Variants in CEP152 observed in about 807,000 individuals in gnomAD.
The protein encoded by CEP152 is centrosomal protein of 152 kDa.
CEP152 carries 132 observed loss-of-function variants against 188.9 expected under a neutral mutation model. That is an observed-to-expected ratio of 0.70 (90% CI 0.61 to 0.81). The LOEUF (loss-of-function observed/expected upper bound fraction) is 0.81. CEP152 is among the 30% of genes least tolerant of loss of function. CEP152 has a pLI of 0.00. For synonymous variants in CEP152, 649 were observed against 666.6 expected (o/e 0.97, Z 0.41); for missense variants, 1,914 against 1,969.8 (o/e 0.97, Z 0.54).
chr15:48,755,376 A>G (rs1327098826), intron 20 of CEP152, among the ~76,000 whole-genome samples: 1 of 152,178 alleles, frequency 6.6e-6, no homozygotes, highest in African/African-American at 2.4e-5. Context: ...TAGGCTTCCA[A>G]ACTCTTTACA....
Position 48,739,137 on chromosome 15 carries a change from T to TG in CEP152, c.4244dup (p.Ala1416SerfsTer3). ...CTAACAGCCTTTGTAAGTTACAAGC[T>TG]GCCCTCCTCTTGGGAGCTTGTTCGC... is the stretch of plus-strand genomic sequence containing the variant. On this transcript the variant is annotated frameshift_variant, in exon 27 of 27. Transcript: ENST00000380950. LOFTEE classifies it low-confidence loss of function (END_TRUNC). 6.2e-7 allele frequency: 1 copy of TG among 1,614,232 alleles called. No individual in the cohort carries two copies. The highest frequency in any genetic ancestry group is 1.1e-5 in the South Asian group (1 of 91,084).
intron 1 of CEP152, among the ~76,000 whole-genome samples, chr15:48,806,197 GTCC>G (rs1897975677): frequency 6.6e-6 from 1 of 152,046 alleles, no homozygotes; most frequent in African/African-American, 2.4e-5. Context: ...AGTCTTAAAT[GTCC>G]TCCTCTTAAG....
At chr15:48,730,986 A>G (rs1342645894) in intron 2 of CEP152, among the ~76,000 whole-genome samples, 2 of 152,256 alleles carry the variant, frequency 1.3e-5, no homozygotes, top group East Asian at 3.8e-4. Context: ...ATATCAAAGA[A>G]AAAAGCTGTC....
intron 20 of CEP152, among the ~76,000 whole-genome samples, chr15:48,754,752 C>A (rs956585093): frequency 6.6e-6 from 1 of 152,184 alleles, no homozygotes; most frequent in Non-Finnish European, 1.5e-5. Flanking sequence ...CTGTGCCATG[C>A]ATATCCTACC....
chr15:48,797,914 C>A lies in CEP152; in HGVS notation c.191+34G>T. 3.2e-6 allele frequency: 5 copies of A among 1,545,802 alleles called. No homozygotes were observed. In the South Asian group the frequency reaches 5.6e-5, roughly 17 times the overall value. The stretch of plus-strand genomic sequence containing the variant: ...CAAAAGAAAAAGACTTATAGAATTG[C>A]AATATACAAGTGAAAGTGACTTCAG... On this transcript the variant is annotated intron_variant, in intron 3 of 26. Transcript: ENST00000380950.
At chr15:48,801,179 T>A (rs1012870653) in intron 2 of CEP152, among the ~76,000 whole-genome samples, 4 of 152,216 alleles carry the variant, frequency 2.6e-5, no homozygotes, top group African/African-American at 4.8e-5. Flanking sequence ...AAGATTCTGA[T>A]ATTTTCAAAT....
intron 5 of CEP152, among the ~76,000 whole-genome samples, chr15:48,796,817 T>C (rs1246998022): frequency 2.0e-5 from 3 of 152,202 alleles, no homozygotes; most frequent in African/African-American, 7.2e-5. Context: ...TTCACATTCA[T>C]CCTGTCTACT....
chr15:48,783,826 A>T (rs557917195), intron 10 of CEP152, 147 bp downstream of exon 10: 1 of 409,580 alleles, frequency 2.4e-6, no homozygotes, highest in Admixed American at 4.0e-5. Flanking sequence ...ATATATATAA[A>T]AATATATATT....
chr15:48,755,625 C>T (rs1212689232), intron 20 of CEP152, among the ~76,000 whole-genome samples: 1 of 152,014 alleles, frequency 6.6e-6, no homozygotes, highest in Non-Finnish European at 1.5e-5. Context: ...GTTTTAGGCC[C>T]CGCATGCATT....
chr15:48,789,027 T>C (rs374316992), intron 8 of CEP152, 26 bp from the exon 9 acceptor site: 540 of 1,585,052 alleles, frequency 3.4e-4, no homozygotes, highest in Non-Finnish European at 4.4e-4. Context: ...AGGATATCCA[T>C]GTTTAAAATA....
At position 48,751,777 on chromosome 15, in the gene CEP152, C is replaced by G. The variant is rs75547556; in HGVS notation, c.3466+572G>C. Among the ~76,000 whole-genome samples, 539 of 152,268 alleles carry G rather than the reference C, an allele frequency of 3.5e-3. 3 individuals carry two copies. Among genetic ancestry groups the G allele is most frequent in the African/African-American group, 0.013 (522 of 41,540 alleles). Reference sequence around the variant, plus strand: ...ATGAATAGGCAATATAAGTCCTATACTCCTCAGTAAGCTCTGAATACAAGC... The same window carrying G: ...ATGAATAGGCAATATAAGTCCTATAGTCCTCAGTAAGCTCTGAATACAAGC... On this transcript the variant is annotated intron_variant, in intron 21 of 26. Transcript: ENST00000380950.
chr15:48,776,558 G>C (rs1895919891), intron 12 of CEP152, among the ~76,000 whole-genome samples: 1 of 152,078 alleles, frequency 6.6e-6, no homozygotes, highest in East Asian at 1.9e-4. Flanking sequence ...CTACAAGGAT[G>C]CTTATAACAA....
chr15:48,810,020 GCTTCAA>G (rs1339936454), intron 1 of CEP152, among the ~76,000 whole-genome samples: 1 of 152,136 alleles, frequency 6.6e-6, no homozygotes, highest in Non-Finnish European at 1.5e-5. Context: ...TTTTCTTATG[GCTTCAA>G]CTTCAGCTTC....
intron 17 of CEP152, among the ~76,000 whole-genome samples, 164 bp downstream of exon 17, chr15:48,766,896 T>C (rs570536452): frequency 2.6e-5 from 4 of 152,294 alleles, no homozygotes; most frequent in African/African-American, 9.6e-5. Context: ...CAGTAATTAC[T>C]GTATTTTATT....
downstream of CEP152, among the ~76,000 whole-genome samples, chr15:48,736,717 G>T (rs1218853529): frequency 6.6e-6 from 1 of 152,118 alleles, no homozygotes; most frequent in Non-Finnish European, 1.5e-5. Context: ...TATCAAAAAA[G>T]ATTAAGGATA....
chr15:48,789,194 T>C (rs1896858586), intron 8 of CEP152, 193 bp from the exon 9 acceptor site: 2 of 611,368 alleles, frequency 3.3e-6, no homozygotes, highest in South Asian at 3.9e-5. Flanking sequence ...AGGCCCATAG[T>C]TGTTGGAAAC....
rs185296937 is a variant in CEP152 at position 48,791,219 on chromosome 15, A to C, written c.972+18T>G. On this transcript the variant is annotated intron_variant, in intron 8 of 26. Coordinates refer to ENST00000380950, the MANE Select transcript of CEP152 (RefSeq NM_001194998.2). ...TAAACTTTTAATTTTTTTACCATAC[A>C]TAAGTTAAAATAGGTACCTGTTCTT... The C allele has an allele frequency of 4.7e-5, 76 of 1,604,094 alleles. No homozygotes were observed. In the East Asian group the frequency reaches 1.6e-3, roughly 33 times the overall value.
At chr15:48,805,207 T>A (rs1897899259) in intron 2 of CEP152, among the ~76,000 whole-genome samples, 1 of 152,220 alleles carries the variant, frequency 6.6e-6, no homozygotes, top group Non-Finnish European at 1.5e-5. Context: ...TCCACTAGGA[T>A]GTAAACTACC....
intron 9 of CEP152, among the ~76,000 whole-genome samples, chr15:48,786,408 A>T (rs903265164): frequency 1.3e-5 from 2 of 152,276 alleles, no homozygotes; most frequent in Admixed American, 6.5e-5. Flanking sequence ...CTATTATAAT[A>T]TGTTGTGAGT....
Sources: gnomAD v4.1 joint callset for allele counts (sites outside exome capture counted in the v4.1 genomes callset) on GRCh38, gnomAD v4.1.1 for gene constraint, MANE v1.5 for transcripts, NCBI Gene and HGNC (gene_info 2026-07-23, HGNC 2026-07-21) for gene names.